Variants in ATP6AP1 observed in about 807,000 individuals in gnomAD.
The protein encoded by ATP6AP1 is ATPase H+ transporting accessory protein 1, also known as V-type proton ATPase subunit S1.
A neutral mutation model predicts 32.0 loss-of-function variants in ATP6AP1; 1 was observed. The ratio of observed to expected loss-of-function variants is 0.03; its 90% CI spans 0.01 to 0.15. The LOEUF is 0.15. ATP6AP1 is among the 10% of genes least tolerant of loss of function. The probability of loss-of-function intolerance (pLI) is 1.00; values close to 1 mark genes in which losing one functional copy is unlikely to be tolerated. For synonymous variants in ATP6AP1, 187 were observed against 174.9 expected, an observed-to-expected ratio of 1.07 and a Z score of -0.55; for missense variants, 297 against 398.8, an observed-to-expected ratio of 0.74 and a Z score of 2.17.
chrX:154,428,908 C>G (rs1040825432), intron 1 of ATP6AP1, 55 bp downstream of exon 1: 10 of 1,091,697 alleles, frequency 9.2e-6, no homozygotes, highest in Non-Finnish European at 1.1e-5. Flanking sequence ...TCGCCCGACT[C>G]CGGCGCTGTC....
At chrX:154,433,466 G>A (rs1463435433) in intron 5 of ATP6AP1, among the ~76,000 whole-genome samples, 169 bp from the exon 6 acceptor site, 2 of 111,534 alleles carry the variant, frequency 1.8e-5, no homozygotes, top group Non-Finnish European at 3.8e-5. Flanking sequence ...TCTGGGGGAG[G>A]CTGGGAATGG....
intron 3 of ATP6AP1, 89 bp downstream of exon 3, chrX:154,431,993 G>A: frequency 9.9e-7 from 1 of 1,011,102 alleles, no homozygotes; most frequent in Admixed American, 2.4e-5. Context: ...TCATATCAGG[G>A]TTACTTGGGT....
In ATP6AP1 at chrX:154,436,148, G is replaced by A; in HGVS notation, c.*257G>A. ...AGGGTTCGTCGCTGTGAGGCGTAAG[G>A]GACATGAATTCTAGGGTCTCCTTTC... On this transcript the variant is annotated 3_prime_UTR_variant, in exon 10 of 10. Coordinates refer to ENST00000369762, the MANE Select transcript of ATP6AP1 (RefSeq NM_001183.6). 1 of 399,244 alleles carries A rather than the reference G, an allele frequency of 2.5e-6. No homozygotes were observed. Among genetic ancestry groups the A allele is most frequent in the Non-Finnish European group, 4.4e-6 (1 of 229,637 alleles). The allele number at this position is 399,244 out of a possible 1,213,427, so 32.9% of individuals were successfully genotyped here. A position where few individuals can be genotyped will look rare whatever the true frequency, so the allele number is the denominator to read the frequency against.
At chrX:154,431,053 C>T (rs1348887179) in intron 2 of ATP6AP1, 1 of 110,944 alleles carries the variant, frequency 9.0e-6, no homozygotes, top group African/African-American at 3.3e-5. Flanking sequence ...TAAAGAAAGC[C>T]CACAGGACCC....
chrX:154,433,645 C>T lies in ATP6AP1; in HGVS notation c.609C>T (p.Ile203=), dbSNP rs146695597. ...REVLTGNDEV[I]GQVLSTLKSE... ...CTTGTTGACCCTCAGATGAGGTCAT[C>T]GGGCAGGTCCTGAGCACACTCAAGT... Residue 203 remains isoleucine, a synonymous_variant, in exon 6 of 10, where the codon ATC becomes ATT. Coordinates refer to ENST00000369762, the MANE Select transcript of ATP6AP1 (RefSeq NM_001183.6). 9.1e-6 allele frequency: 11 copies of T among 1,211,740 alleles called. No individual in the cohort carries two copies. Among genetic ancestry groups the T allele is most frequent in the African/African-American group, 1.7e-5 (1 of 57,836 alleles).
At chrX:154,432,128 G>T (rs1359073975) in intron 3 of ATP6AP1, 138 bp from the exon 4 acceptor site, 2 of 690,002 alleles carry the variant, frequency 2.9e-6, no homozygotes, top group East Asian at 3.5e-5. Flanking sequence ...AATGTCAGGG[G>T]CTGGGGTGTG....
rs782111728 is a variant in ATP6AP1 at position 154,434,352 on chromosome X, G to A, written c.829G>A (p.Ala277Thr). ...ILFWAQNFSV[A>T]YKDQWEDLTP... ...GTTCTGGGCCCAAAACTTCTCTGTG[G>A]CGTACAAGGACCAGTGGGAGGACCT... The change falls in exon 7 of 10, where the codon GCG becomes ACG. Residue 277 changes from alanine to threonine, a missense_variant. By Grantham distance (58) the Ala-to-Thr change is moderately conservative. This residue lies in a region of ATP6AP1 where 155 missense variants were observed against 253.8 expected (regional missense o/e 0.61). Transcript: ENST00000369762. 8.3e-7 allele frequency: 1 copy of A among 1,212,053 alleles called. No individual in the cohort carries two copies. The highest frequency in any genetic ancestry group is 1.8e-5 in the South Asian group (1 of 57,017).
At chrX:154,431,417 A>G in intron 2 of ATP6AP1, 1 of 161,365 alleles carries the variant, frequency 6.2e-6, no homozygotes, top group Non-Finnish European at 1.2e-5. Flanking sequence ...GGTCCCGTCC[A>G]GACTGGACAT....
chrX:154,435,750 C>G lies in ATP6AP1; in HGVS notation c.1272C>G (p.Pro424=), dbSNP rs782713260. ...YASDCASFFS[P]GIWMGLLTSL... ...GCGACTGTGCCAGCTTCTTCTCCCC[C>G]GGCATCTGGATGGGGCTGCTCACCT... is the stretch of plus-strand genomic sequence containing the variant. Residue 424 remains proline (P), a synonymous_variant, in exon 10 of 10, where the codon CCC becomes CCG. Transcript: ENST00000369762. 1 of 1,210,143 alleles carries G rather than the reference C, an allele frequency of 8.3e-7. No homozygotes were observed. The highest frequency in any genetic ancestry group is 1.7e-5 in the African/African-American group (1 of 57,149).
intron 4 of ATP6AP1, 106 bp downstream of exon 4, chrX:154,432,565 C>A: frequency 2.0e-6 from 2 of 1,006,067 alleles, no homozygotes; most frequent in Admixed American, 7.0e-5. Context: ...CAGTACTCCC[C>A]ACCCCCTCAC....
intron 5 of ATP6AP1, among the ~76,000 whole-genome samples, chrX:154,433,200 G>C (rs1188925948): frequency 8.9e-6 from 1 of 112,147 alleles, no homozygotes; most frequent in African/African-American, 3.2e-5. Flanking sequence ...GCGGCTCTCT[G>C]TGCTGGAGGC....
In ATP6AP1 at chrX:154,432,396, G is replaced by A. The variant is rs782107550; in HGVS notation, c.494G>A (p.Arg165Gln). The change falls in exon 4 of 10, where the codon CGG (arginine) becomes CAG (glutamine). Residue 165 changes from arginine to glutamine, a missense_variant. Physicochemically the swap from Arg to Gln is conservative, Grantham distance 43. Coordinates refer to ENST00000369762, the MANE Select transcript of ATP6AP1 (RefSeq NM_001183.6). The stretch of plus-strand genomic sequence containing the variant: ...TTGCATGTGGACCTGGCCACCCTGC[G>A]GGAGCTGAAGCTCAATGCCAGCCTC... ...SPLHVDLATL[R>Q]ELKLNASLPA... 131 of 1,206,947 alleles carry A rather than the reference G, an allele frequency of 1.1e-4. No individual in the cohort carries two copies. The highest frequency in any genetic ancestry group is 1.4e-4 in the Non-Finnish European group (127 of 893,359).
Position 154,435,163 on chromosome X carries a change from C to A in ATP6AP1, c.948C>A (p.Leu316=). ...GGCTCTCACTGACCTATGAACGACT[C>A]TTTGGTACCACAGTGACATTCAAGT... ...FARLSLTYER[L]FGTTVTFKFI... Residue 316 remains leucine (L), a synonymous_variant, in exon 8 of 10, where the codon CTC becomes CTA. Transcript: ENST00000369762. 8.3e-7 allele frequency: 1 copy of A among 1,210,307 alleles called. No individual in the cohort carries two copies. The highest frequency in any genetic ancestry group is 3.0e-5 in the East Asian group (1 of 33,841).
chrX:154,434,803 G>A (rs1317784360), intron 7 of ATP6AP1, among the ~76,000 whole-genome samples: 4 of 111,783 alleles, frequency 3.6e-5, no homozygotes, highest in African/African-American at 1.3e-4. Flanking sequence ...GGGCAACCAT[G>A]CCCTTCTGTT....
rs909684160 is a variant in ATP6AP1 at position 154,432,544 on chromosome X, G to T, written c.557+85G>T. The T allele has an allele frequency of 3.6e-5, 38 of 1,067,390 alleles. 1 individual carries two copies. Among genetic ancestry groups the T allele is most frequent in the Middle Eastern group, 3.7e-4 (1 of 2,716 alleles). The allele number at this position is 1,067,390 out of a possible 1,213,427, so 88.0% of individuals were successfully genotyped here. ...CTATGGCATGTGGTGGCACCGTTTG[G>T]CTAAAGATGCCAGTACTCCCCACCC... On this transcript the variant is annotated intron_variant, in intron 4 of 9. Transcript: ENST00000369762.
chrX:154,428,710 G>T lies in ATP6AP1; in HGVS notation c.18G>T (p.Ala6=), dbSNP rs782480523. ...CTGAGGCTATGATGGCGGCCATGGC[G>T]ACGGCTCGAGTGCGGATGGGGCCGC... The part of the protein sequence containing the change: MMAAM[A]TARVRMGPRC... The change falls in exon 1 of 10, where the codon GCG becomes GCT. Residue 6 remains alanine (A), a synonymous_variant. Transcript: ENST00000369762. The T allele has an allele frequency of 1.7e-6, 2 of 1,150,224 alleles. No homozygotes were observed. Among genetic ancestry groups the T allele is most frequent in the Non-Finnish European group, 2.3e-6 (2 of 868,714 alleles). 94.8% of individuals were successfully genotyped at this position (1,150,224 alleles called of 1,213,427 possible).
chrX:154,434,047 T>A (rs1028579557), intron 6 of ATP6AP1, among the ~76,000 whole-genome samples, 161 bp from the exon 7 acceptor site: 10 of 111,438 alleles, frequency 9.0e-5, no homozygotes, highest in Non-Finnish European at 1.9e-4. Flanking sequence ...TTAGGGGGCA[T>A]CAGGGAAGGC....
rs782606556 is a variant in ATP6AP1, at chrX:154,432,311, G to T, written c.409G>T (p.Asp137Tyr). Residue 137 changes from aspartate (D) to tyrosine (Y), a missense_variant, in exon 4 of 10, where the codon GAC (aspartate) becomes TAC (tyrosine). Asp to Tyr is a radical substitution (Grantham distance 160). Around this residue, in one of 2 missense-constraint regions of ATP6AP1, gnomAD observed 142 missense variants for 145.0 expected, o/e 0.98. Coordinates refer to ENST00000369762, the MANE Select transcript of ATP6AP1 (RefSeq NM_001183.6). ...CTCCTCACTGGTGCTTCCTGCCGTC[G>T]ACTGGTATGCAGTCAGCACTCTGAC... ...APSSLVLPAVDWYAVSTLTTY... is the reference protein window; with the variant it reads ...APSSLVLPAVYWYAVSTLTTY... The T allele has an allele frequency of 2.5e-6, 3 of 1,211,106 alleles. No homozygotes were observed. Among genetic ancestry groups the T allele is most frequent in the Non-Finnish European group, 3.4e-6 (3 of 894,858 alleles).
chrX:154,430,833 G>T (rs931537717), intron 2 of ATP6AP1: 1 of 111,270 alleles, frequency 9.0e-6, no homozygotes. Context: ...GGTCCTGGGC[G>T]AGGTGTGCTC....
Sources: allele counts gnomAD v4.1 joint callset (sites outside exome capture counted in the v4.1 genomes callset), GRCh38; gene constraint gnomAD v4.1.1; regional missense constraint gnomAD v4.1.1; transcripts MANE v1.5; gene names NCBI Gene and HGNC (gene_info 2026-07-23, HGNC 2026-07-21).